The following MAD1L1 variants were observed in gnomAD, a reference collection of about 807,000 sequenced individuals.
MAD1L1 encodes mitotic spindle assembly checkpoint protein MAD1.
A neutral mutation model predicts 96.9 loss-of-function variants in MAD1L1; 95 were observed. The observed-to-expected ratio is 0.98, with a 90% confidence interval of 0.83 to 1.16. The LOEUF (loss-of-function observed/expected upper bound fraction) is 1.16, where lower values mean the gene tolerates loss of function less well. Among genes scored for constraint, MAD1L1 ranks in the 50% most tolerant of loss-of-function variants. MAD1L1 has a pLI of 0.00. For missense variants in MAD1L1, 1,007 were observed against 954.4 expected (o/e 1.06, Z -0.73); for synonymous variants, 473 against 396.6 (o/e 1.19, Z -2.29).
chr7:2,174,477 G>A (rs1199126945), intron 10 of MAD1L1, among the ~76,000 whole-genome samples: 3 of 152,146 alleles, frequency 2.0e-5, no homozygotes, highest in Non-Finnish European at 4.4e-5. Flanking sequence ...AGAGGATGAC[G>A]CTCAAGAGAG....
chr7:2,069,660 C>T (rs1020968208), intron 11 of MAD1L1, among the ~76,000 whole-genome samples: 1 of 152,238 alleles, frequency 6.6e-6, no homozygotes, highest in Non-Finnish European at 1.5e-5. Context: ...GCAGAGCCAG[C>T]GCTTCCCCTC....
intron 15 of MAD1L1, among the ~76,000 whole-genome samples, chr7:1,975,256 C>G (rs972265659): frequency 6.6e-6 from 1 of 152,236 alleles, no homozygotes; most frequent in African/African-American, 2.4e-5. Context: ...GGCAGTCCAT[C>G]ACCAGGCCCC....
At chr7:2,104,723 C>A (rs1249476544) in intron 11 of MAD1L1, among the ~76,000 whole-genome samples, 2 of 76,198 alleles carry the variant, frequency 2.6e-5, no homozygotes, top group African/African-American at 5.8e-5. Flanking sequence ...TACTTACATG[C>A]CTCATTGTGA....
intron 18 of MAD1L1, among the ~76,000 whole-genome samples, chr7:1,863,117 C>T (rs971268443): frequency 2.6e-4 from 40 of 152,280 alleles, no homozygotes; most frequent in African/African-American, 8.9e-4. Flanking sequence ...GAGGAGGGAG[C>T]CCCAAGCCCC....
chr7:2,179,741 G>A (rs1310895439), intron 10 of MAD1L1, among the ~76,000 whole-genome samples: 2 of 152,130 alleles, frequency 1.3e-5, no homozygotes, highest in East Asian at 1.9e-4. Flanking sequence ...AGGCCAAGGT[G>A]GGTGGATCAC....
intron 11 of MAD1L1, among the ~76,000 whole-genome samples, chr7:2,098,242 C>A (rs1295286687): frequency 6.6e-6 from 1 of 152,214 alleles, no homozygotes; most frequent in Non-Finnish European, 1.5e-5. Flanking sequence ...TCTGCCAAAG[C>A]CCCGTAGCAC....
chr7:1,824,301 C>T (rs1473589756), intron 18 of MAD1L1, among the ~76,000 whole-genome samples: 2 of 152,182 alleles, frequency 1.3e-5, no homozygotes, highest in African/African-American at 4.8e-5. Context: ...TAGCTTCTAA[C>T]CTCGGCTTGG....
chr7:1,973,848 G>A (rs1205542744), intron 15 of MAD1L1, among the ~76,000 whole-genome samples: 1 of 152,214 alleles, frequency 6.6e-6, no homozygotes, highest in Non-Finnish European at 1.5e-5. Flanking sequence ...AGCTGGGCCT[G>A]CCTCTGCTGA....
intron 11 of MAD1L1, among the ~76,000 whole-genome samples, chr7:2,093,597 C>G (rs571970612): frequency 3.7e-4 from 56 of 152,348 alleles, no homozygotes; most frequent in African/African-American, 1.0e-3. Context: ...AAATAAAATG[C>G]TGACATCCCC....
In MAD1L1 at chr7:2,008,877, C is replaced by A. The variant is rs1047625871; in HGVS notation, c.1359+5625G>T. 3.9e-5 allele frequency among the ~76,000 whole-genome samples: 6 copies of A among 152,220 alleles called. No homozygotes were observed. The South Asian group carries it at 6.2e-4, about 16-fold the overall frequency. On this transcript the variant is annotated intron_variant, in intron 13 of 18. Transcript: ENST00000265854. ...CCATCCCAAACGACCTGACGCAGTG[C>A]TCGGGTTCCCCAGGAGAGGCCAAGC... is the stretch of plus-strand genomic sequence containing the variant.
intron 10 of MAD1L1, among the ~76,000 whole-genome samples, chr7:2,167,815 C>G (rs904198138): frequency 1.3e-5 from 2 of 151,712 alleles, no homozygotes; most frequent in Non-Finnish European, 2.9e-5. Flanking sequence ...GCAGGAGGAT[C>G]GTGTAAGCCA....
At chr7:2,152,041 C>T (rs932860346) in intron 10 of MAD1L1, among the ~76,000 whole-genome samples, 2 of 152,252 alleles carry the variant, frequency 1.3e-5, no homozygotes, top group Non-Finnish European at 2.9e-5. Flanking sequence ...CCTGCACGCT[C>T]CTCCTTGCCT....
Position 1,874,521 on chromosome 7 carries a change from C to A in MAD1L1, c.1998+23679G>T, listed in dbSNP as rs1263777528. 4 of 455,464 alleles carry A rather than the reference C, an allele frequency of 8.8e-6. No homozygotes were observed. In the East Asian group the frequency reaches 2.8e-4, roughly 32 times the overall value. The allele number at this position is 455,464 out of a possible 1,614,324, so 28.2% of individuals were successfully genotyped here. ...CTTGATAATCCTATAGCTTTCCGCA[C>A]AGCTTGTGGCTGAGTGCGGCTTCCT... On this transcript the variant is annotated intron_variant, in intron 18 of 18. Transcript: ENST00000265854.
At chr7:2,090,229 G>A (rs1786136774) in intron 11 of MAD1L1, among the ~76,000 whole-genome samples, 1 of 152,224 alleles carries the variant, frequency 6.6e-6, no homozygotes, top group African/African-American at 2.4e-5. Flanking sequence ...TAGGCCAGAA[G>A]ACAAAGCAGG....
intron 10 of MAD1L1, among the ~76,000 whole-genome samples, chr7:2,170,718 G>A (rs1275149679): frequency 6.6e-6 from 1 of 152,202 alleles, no homozygotes; most frequent in Non-Finnish European, 1.5e-5. Context: ...GGGTTTCCAA[G>A]TGGCGTAGCG....
intron 10 of MAD1L1, among the ~76,000 whole-genome samples, chr7:2,153,019 C>T (rs10240891): frequency 0.33 from 50,324 of 151,992 alleles, 8,893 homozygotes; most frequent in East Asian, 0.55. Flanking sequence ...AATGTGTTCC[C>T]CATATACAAA....
intron 14 of MAD1L1, among the ~76,000 whole-genome samples, chr7:1,990,053 G>A (rs991542992): frequency 1.3e-5 from 2 of 152,348 alleles, no homozygotes; most frequent in African/African-American, 2.4e-5. Context: ...TCCCCCCACC[G>A]CAATTCTAAT....
intron 18 of MAD1L1, among the ~76,000 whole-genome samples, chr7:1,822,010 T>G (rs1465828673): frequency 6.6e-6 from 1 of 152,030 alleles, no homozygotes; most frequent in Non-Finnish European, 1.5e-5. Flanking sequence ...ACGGCACACG[T>G]GGAAAACCCT....
At chr7:2,132,820 G>A (rs3778991) in intron 11 of MAD1L1, among the ~76,000 whole-genome samples, 42,759 of 152,152 alleles carry the variant, frequency 0.28, 7,453 homozygotes, top group East Asian at 0.51. Context: ...TGTGGTTCCC[G>A]ACCCCTCCAA....
Sources: allele counts gnomAD v4.1 joint callset (sites outside exome capture counted in the v4.1 genomes callset), GRCh38; gene constraint gnomAD v4.1.1; transcripts MANE v1.5; gene names NCBI Gene and HGNC (gene_info 2026-07-23, HGNC 2026-07-21).